Variants in GATB observed in about 807,000 individuals in gnomAD.
The protein encoded by GATB is glutamyl-tRNA(Gln) amidotransferase subunit B, mitochondrial.
A neutral mutation model predicts 62.3 loss-of-function variants in GATB; 39 were observed. The ratio of observed to expected loss-of-function variants is 0.63; its 90% CI spans 0.48 to 0.82. The LOEUF is 0.82. GATB is among the 40% of genes least tolerant of loss of function. The pLI is 0.00. For missense variants in GATB, 670 were observed against 684.0 expected (o/e 0.98, Z 0.23); for synonymous variants, 276 against 258.9 (o/e 1.07, Z -0.63).
At chr4:151,734,705 AAC>A (rs1324187649) in intron 2 of GATB, among the ~76,000 whole-genome samples, 1 of 152,224 alleles carries the variant, frequency 6.6e-6, no homozygotes, top group Non-Finnish European at 1.5e-5. Context: ...CACAGTCACC[AAC>A]ACAGCCTGGT....
At chr4:151,690,956 G>A (rs745809028) in intron 9 of GATB, among the ~76,000 whole-genome samples, 3 of 152,160 alleles carry the variant, frequency 2.0e-5, no homozygotes, top group Non-Finnish European at 2.9e-5. Flanking sequence ...TGGGCTGCCC[G>A]CTCTGCTCTT....
At chr4:151,699,035 A>T (rs1008809017) in intron 9 of GATB, among the ~76,000 whole-genome samples, 1 of 152,096 alleles carries the variant, frequency 6.6e-6, no homozygotes, top group Non-Finnish European at 1.5e-5. Flanking sequence ...AGGCAAAAAA[A>T]ATCTTTAAAA....
chr4:151,742,907 C>CAG (rs1180564604), intron 2 of GATB, among the ~76,000 whole-genome samples: 1 of 152,068 alleles, frequency 6.6e-6, no homozygotes, highest in African/African-American at 2.4e-5. Flanking sequence ...TTACTGAATA[C>CAG]AGACTATAAA....
intron 2 of GATB, among the ~76,000 whole-genome samples, chr4:151,731,207 C>A (rs1210592490): frequency 1.3e-5 from 2 of 151,200 alleles, no homozygotes; most frequent in Non-Finnish European, 2.9e-5. Flanking sequence ...CTCACTGCAA[C>A]CTCCCTGCCT....
intron 2 of GATB, among the ~76,000 whole-genome samples, chr4:151,736,643 C>T (rs1004586092): frequency 3.3e-5 from 5 of 152,192 alleles, no homozygotes; most frequent in African/African-American, 1.2e-4. Flanking sequence ...TATCTGTGCT[C>T]ACATTTTAAT....
chr4:151,747,595 A>G (rs1739628453), intron 2 of GATB, among the ~76,000 whole-genome samples: 1 of 152,238 alleles, frequency 6.6e-6, no homozygotes, highest in Non-Finnish European at 1.5e-5. Context: ...TTAAGTTAAA[A>G]ATCACACTGA....
chr4:151,678,667 C>A (rs546059043), intron 11 of GATB, among the ~76,000 whole-genome samples: 1 of 152,304 alleles, frequency 6.6e-6, no homozygotes, highest in South Asian at 2.1e-4. Flanking sequence ...GCACCCAGCC[C>A]GGTGCGTGCA....
At chr4:151,751,479 T>C (rs543649382) in intron 2 of GATB, among the ~76,000 whole-genome samples, 2 of 152,298 alleles carry the variant, frequency 1.3e-5, no homozygotes, top group African/African-American at 4.8e-5. Context: ...TCTACTGGCT[T>C]AAGGCCTGAA....
intron 2 of GATB, among the ~76,000 whole-genome samples, chr4:151,751,619 C>T: frequency 6.6e-6 from 1 of 152,174 alleles, no homozygotes. Context: ...GTTCTTTTCC[C>T]AATATCCAAG....
intron 11 of GATB, chr4:151,677,618 C>T (rs1445395844): frequency 2.0e-5 from 3 of 152,146 alleles, no homozygotes; most frequent in Admixed American, 1.3e-4. Context: ...AATGTGGAAA[C>T]AACTCAAATG....
intron 2 of GATB, among the ~76,000 whole-genome samples, chr4:151,741,019 C>T (rs1303863795): frequency 6.6e-6 from 1 of 152,110 alleles, no homozygotes; most frequent in Non-Finnish European, 1.5e-5. Flanking sequence ...TCTGCACACT[C>T]CTACCTCTCT....
intron 5 of GATB, among the ~76,000 whole-genome samples, chr4:151,710,082 G>A (rs1256220491): frequency 6.6e-6 from 1 of 152,088 alleles, no homozygotes; most frequent in Non-Finnish European, 1.5e-5. Flanking sequence ...CAGCAAGCTG[G>A]CCTGCACTGG....
chr4:151,714,870 G>T (rs904207402), intron 5 of GATB, among the ~76,000 whole-genome samples: 14 of 152,172 alleles, frequency 9.2e-5, no homozygotes, highest in African/African-American at 2.7e-4. Context: ...TGTTGTCTCT[G>T]TAAAGAAACT....
At position 151,678,792 on chromosome 4, in the gene GATB, C is replaced by T. The variant is rs532449342; in HGVS notation, c.1410+1021G>A. ...CATGCAAAAGGCACCATTAAAATAACATTAAACTTCTGGCTGAAGCATTGA... is the reference window on the plus strand; with the variant it reads ...CATGCAAAAGGCACCATTAAAATAATATTAAACTTCTGGCTGAAGCATTGA... On this transcript the variant is annotated intron_variant, in intron 11 of 12. Coordinates refer to ENST00000263985, the MANE Select transcript of GATB (RefSeq NM_004564.3). 1.7e-4 allele frequency among the ~76,000 whole-genome samples: 26 copies of T among 152,378 alleles called. No individual in the cohort carries two copies. In the South Asian group the frequency reaches 5.2e-3, roughly 30 times the overall value.
At chr4:151,686,068 C>CAA (rs141695189) in intron 10 of GATB, among the ~76,000 whole-genome samples, 3 of 150,920 alleles carry the variant, frequency 2.0e-5, no homozygotes, top group African/African-American at 7.3e-5. Flanking sequence ...CAAAACAAAA[C>CAA]AAAAAAAAGA....
chr4:151,697,828 A>C (rs1266991034), intron 9 of GATB, among the ~76,000 whole-genome samples: 2 of 148,842 alleles, frequency 1.3e-5, no homozygotes, highest in African/African-American at 4.9e-5. Flanking sequence ...TGAACCTGGG[A>C]GGCGGAGCTT....
chr4:151,746,498 A>G (rs1001817937), intron 2 of GATB, among the ~76,000 whole-genome samples: 1 of 152,226 alleles, frequency 6.6e-6, no homozygotes, highest in African/African-American at 2.4e-5. Flanking sequence ...TACTTAATAA[A>G]TTAAGGAAGA....
At chr4:151,701,255 G>A in intron 9 of GATB, 74 bp downstream of exon 9, 1 of 1,241,982 alleles carries the variant, frequency 8.1e-7, no homozygotes, top group East Asian at 2.7e-5. Flanking sequence ...GGCAGCCTGT[G>A]TGTGGCGGGG....
intron 8 of GATB, 192 bp downstream of exon 8, chr4:151,703,659 A>T: frequency 1.7e-6 from 1 of 604,538 alleles, no homozygotes; most frequent in Non-Finnish European, 3.0e-6. Context: ...ATCTGAGGCT[A>T]CCAAATCAAG....
Sources: gnomAD v4.1 joint callset for allele counts (sites outside exome capture counted in the v4.1 genomes callset) on GRCh38, gnomAD v4.1.1 for gene constraint, MANE v1.5 for transcripts, NCBI Gene and HGNC (gene_info 2026-07-23, HGNC 2026-07-21) for gene names.